The following IL10RB variants were observed in gnomAD, a reference collection of about 807,000 sequenced individuals.
The protein encoded by IL10RB is interleukin-10 receptor subunit beta.
Under a neutral mutation model 38.7 loss-of-function variants are expected in IL10RB, and 30 were observed. The observed-to-expected ratio is 0.78, with a 90% CI of 0.58 to 1.05. IL10RB has a LOEUF of 1.05. Ranked by LOEUF, IL10RB falls within the 50% of genes least tolerant of loss-of-function variation. The probability of loss-of-function intolerance (pLI) is 0.00; values close to 1 mark genes in which losing one functional copy is unlikely to be tolerated. For synonymous variants in IL10RB, 142 were observed against 145.9 expected (o/e 0.97, Z 0.19); for missense variants, 328 against 397.1 (o/e 0.83, Z 1.48).
At chr21:33,269,479 G>C (rs1166465686) in intron 2 of IL10RB, among the ~76,000 whole-genome samples, 1 of 152,172 alleles carries the variant, frequency 6.6e-6, no homozygotes, top group Non-Finnish European at 1.5e-5. Context: ...AAATCCCCAA[G>C]GCCTGCTACA....
At chr21:33,300,058 A>G (rs987793197), downstream of IL10RB, among the ~76,000 whole-genome samples, 2 of 152,172 alleles carry the variant, frequency 1.3e-5, no homozygotes, top group African/African-American at 2.4e-5. Flanking sequence ...CTGGGAAGCA[A>G]TTCTCCAAGT....
intron 6 of IL10RB, among the ~76,000 whole-genome samples, chr21:33,289,744 T>G (rs1989447808): frequency 1.3e-5 from 2 of 152,154 alleles, no homozygotes; most frequent in South Asian, 4.1e-4. Flanking sequence ...TCATGTCCCC[T>G]GGTAGAAATG....
chr21:33,274,982 T>G (rs2091458166), intron 2 of IL10RB, among the ~76,000 whole-genome samples: 1 of 152,166 alleles, frequency 6.6e-6, no homozygotes. Context: ...AAAAATCTGT[T>G]GTTTAGAGTA....
At chr21:33,295,591 G>C (rs977594373) in intron 6 of IL10RB, among the ~76,000 whole-genome samples, 70 of 148,754 alleles carry the variant, frequency 4.7e-4, no homozygotes, top group Non-Finnish European at 2.4e-4. Context: ...AGAATCTCTG[G>C]AACCTGGGAG....
At chr21:33,305,583 G>A (rs2082997095) in intron 1 of IL10RB, among the ~76,000 whole-genome samples, 2 of 152,310 alleles carry the variant, frequency 1.3e-5, no homozygotes, top group African/African-American at 2.4e-5. Context: ...TAGGCAGGGT[G>A]AAGGGAAACC....
chr21:33,286,852 C>A (rs1989383700), intron 5 of IL10RB, among the ~76,000 whole-genome samples: 1 of 151,862 alleles, frequency 6.6e-6, no homozygotes, highest in African/African-American at 2.4e-5. Flanking sequence ...GACTCTATCT[C>A]AAAAATGAAA....
downstream of IL10RB, among the ~76,000 whole-genome samples, chr21:33,301,416 C>T (rs937689962): frequency 1.3e-5 from 2 of 152,176 alleles, no homozygotes; most frequent in South Asian, 4.1e-4. Context: ...AAATTTATTG[C>T]TGTTGGATTG....
In IL10RB at chr21:33,296,430, A is replaced by AG; in HGVS notation, c.*76dup. Reference sequence around the variant, plus strand: ...CTCACATCTGCCTCAGTGAGGGATCAGGGCAGCAAACAAGGGCCAAGACCA... The same window carrying AG: ...CTCACATCTGCCTCAGTGAGGGATCAGGGGCAGCAAACAAGGGCCAAGACCA... On this transcript the variant is annotated 3_prime_UTR_variant, in exon 7 of 7. Transcript: ENST00000290200. 1 of 1,482,664 alleles carries AG rather than the reference A, an allele frequency of 6.7e-7. No individual in the cohort carries two copies. Among genetic ancestry groups the AG allele is most frequent in the Non-Finnish European group, 9.3e-7 (1 of 1,076,596 alleles). 91.8% of individuals were successfully genotyped at this position (1,482,664 alleles called of 1,614,324 possible). A position where few individuals can be genotyped will look rare whatever the true frequency, so the allele number is the denominator to read the frequency against.
intron 5 of IL10RB, 129 bp from the exon 6 acceptor site, chr21:33,287,975 T>A: frequency 1.1e-6 from 1 of 890,940 alleles, no homozygotes. Context: ...AACCAGTTGC[T>A]GTTTCTGAGA....
chr21:33,295,094 G>A (rs2850013), intron 6 of IL10RB, among the ~76,000 whole-genome samples: 10 of 152,152 alleles, frequency 6.6e-5, no homozygotes, highest in East Asian at 1.9e-4. Flanking sequence ...GGCCGGGTGC[G>A]GTGGCTCACG....
intron 1 of IL10RB, chr21:33,268,032 G>T: frequency 2.7e-6 from 1 of 367,642 alleles, no homozygotes; most frequent in Non-Finnish European, 5.1e-6. Flanking sequence ...GCCCAAAATG[G>T]ACATTGACCT....
chr21:33,283,378 G>A, intron 5 of IL10RB, 137 bp downstream of exon 5: 2 of 897,166 alleles, frequency 2.2e-6, no homozygotes, highest in Non-Finnish European at 3.6e-6. Context: ...AGCCCTGACT[G>A]CTCAGCTTCA....
intron 5 of IL10RB, among the ~76,000 whole-genome samples, chr21:33,285,145 C>A (rs1452751321): frequency 6.6e-6 from 1 of 152,192 alleles, no homozygotes; most frequent in Non-Finnish European, 1.5e-5. Context: ...CCCACCTCAG[C>A]CTCCCAAAGT....
chr21:33,307,256 G>A (rs1278254261), intron 1 of IL10RB, among the ~76,000 whole-genome samples: 2 of 152,186 alleles, frequency 1.3e-5, no homozygotes, highest in Non-Finnish European at 2.9e-5. Flanking sequence ...TGTCCTTAGT[G>A]TAAGAACATG....
chr21:33,278,200 A>G (rs948033815), intron 3 of IL10RB, among the ~76,000 whole-genome samples: 3 of 152,004 alleles, frequency 2.0e-5, no homozygotes, highest in African/African-American at 7.2e-5. Flanking sequence ...AGCCTGGGTG[A>G]CCAGAGTGAA....
chr21:33,271,510 C>T (rs1989080142), intron 2 of IL10RB, among the ~76,000 whole-genome samples: 1 of 152,036 alleles, frequency 6.6e-6, no homozygotes, highest in South Asian at 2.1e-4. Flanking sequence ...GGGTGGATCA[C>T]CTGAGATCAG....
intron 6 of IL10RB, chr21:33,293,862 T>C (rs1046463679): frequency 2.5e-6 from 1 of 392,398 alleles, no homozygotes; most frequent in Non-Finnish European, 5.1e-6. Flanking sequence ...CTAAGAATCC[T>C]CTATGAGCTT....
intron 3 of IL10RB, 75 bp from the exon 4 acceptor site, chr21:33,279,677 A>T: frequency 7.8e-7 from 1 of 1,274,268 alleles, no homozygotes; most frequent in African/African-American, 1.5e-5. Context: ...ATTGTTCTGC[A>T]TGGTTATGAA....
intron 6 of IL10RB, among the ~76,000 whole-genome samples, chr21:33,293,806 C>CAA (rs5843595): frequency 4.8e-5 from 7 of 145,840 alleles, no homozygotes; most frequent in Non-Finnish European, 7.6e-5. Context: ...GACTCGATCT[C>CAA]AAAAAAAAAA....
Sources: gnomAD v4.1 joint callset for allele counts (sites outside exome capture counted in the v4.1 genomes callset) on GRCh38, gnomAD v4.1.1 for gene constraint, MANE v1.5 for transcripts, NCBI Gene and HGNC (gene_info 2026-07-23, HGNC 2026-07-21) for gene names.